TBL1X: variants seen among roughly 807,000 people sequenced by gnomAD.
TBL1X encodes the protein transducin beta like 1 X-linked.
Under a neutral mutation model 50.7 loss-of-function variants are expected in TBL1X, and 10 were observed. That is an observed-to-expected ratio of 0.20 (90% CI 0.12 to 0.33). The LOEUF (loss-of-function observed/expected upper bound fraction) is 0.33. Ranked by LOEUF, TBL1X falls within the 10% of genes least tolerant of loss-of-function variation. The pLI is 1.00. For missense variants in TBL1X, 340 were observed against 504.4 expected (o/e 0.67, Z 3.12); for synonymous variants, 190 against 214.7 (o/e 0.88, Z 1.01).
At chrX:9,698,528 T>C (rs745538506) in intron 12 of TBL1X, among the ~76,000 whole-genome samples, 16 of 111,834 alleles carry the variant, frequency 1.4e-4, no homozygotes, top group Non-Finnish European at 2.6e-4. Flanking sequence ...GCCTGTGAAG[T>C]GTTTTATACC....
chrX:9,493,629 G>A (rs766874501), intron 1 of TBL1X, among the ~76,000 whole-genome samples: 32 of 110,551 alleles, frequency 2.9e-4, no homozygotes, highest in Admixed American at 2.7e-3. Context: ...CAGGCGTGGT[G>A]GTATGTTCCT....
chrX:9,685,137 G>A (rs1352810357), intron 6 of TBL1X, among the ~76,000 whole-genome samples: 4 of 112,119 alleles, frequency 3.6e-5, no homozygotes, highest in Non-Finnish European at 5.6e-5. Context: ...CCACAGTGAG[G>A]AGTTGTGCCA....
At chrX:9,667,810 C>A (rs762441875) in intron 5 of TBL1X, among the ~76,000 whole-genome samples, 1 of 111,484 alleles carries the variant, frequency 9.0e-6, no homozygotes, top group Non-Finnish European at 1.9e-5. Context: ...TTTTTTCCTT[C>A]GTAAAATTTT....
intron 2 of TBL1X, among the ~76,000 whole-genome samples, chrX:9,564,946 T>C (rs1434349832): frequency 1.8e-5 from 2 of 108,868 alleles, no homozygotes; most frequent in Non-Finnish European, 3.8e-5. Flanking sequence ...AGGCAAATAA[T>C]AATTCTAGGA....
chrX:9,618,993 C>T (rs1270818599), intron 2 of TBL1X, among the ~76,000 whole-genome samples: 2 of 111,164 alleles, frequency 1.8e-5, no homozygotes, highest in Non-Finnish European at 1.9e-5. Flanking sequence ...GTTTGGTGTA[C>T]GGTAGTGATT....
At chrX:9,500,009 G>C (rs1361337018) in intron 1 of TBL1X, among the ~76,000 whole-genome samples, 1 of 109,186 alleles carries the variant, frequency 9.2e-6, no homozygotes, top group Non-Finnish European at 1.9e-5. Context: ...TCTTGGCTGG[G>C]TGTGGTGGCT....
At chrX:9,656,950 TC>T (rs2146602106) in intron 5 of TBL1X, among the ~76,000 whole-genome samples, 1 of 111,998 alleles carries the variant, frequency 8.9e-6, no homozygotes, top group African/African-American at 3.2e-5. Context: ...GGAAAACATT[TC>T]CCTGATCATG....
chrX:9,706,878 G>C (rs889164278), intron 13 of TBL1X, among the ~76,000 whole-genome samples: 3 of 111,008 alleles, frequency 2.7e-5, no homozygotes, highest in Non-Finnish European at 5.7e-5. Flanking sequence ...AGCAGCTCTC[G>C]GTCCAAAACA....
At chrX:9,524,031 G>C (rs1210003559) in intron 2 of TBL1X, among the ~76,000 whole-genome samples, 1 of 85,454 alleles carries the variant, frequency 1.2e-5, no homozygotes, top group African/African-American at 4.6e-5. Context: ...GCAGTGGCAC[G>C]ATCTTCACTC....
chrX:9,683,965 A>T (rs2083040913), intron 5 of TBL1X, 78 bp from the exon 6 acceptor site: 1 of 1,187,353 alleles, frequency 8.4e-7, no homozygotes, highest in Admixed American at 2.2e-5. Context: ...TCTGCGGGCC[A>T]CCTTCAGATC....
At chrX:9,682,658 G>A (rs901242934) in intron 5 of TBL1X, among the ~76,000 whole-genome samples, 5 of 111,745 alleles carry the variant, frequency 4.5e-5, no homozygotes, top group African/African-American at 1.6e-4. Context: ...TGGATAAGGC[G>A]AGGCAGAAGG....
At chrX:9,524,518 C>T (rs995680047) in intron 2 of TBL1X, among the ~76,000 whole-genome samples, 1 of 111,971 alleles carries the variant, frequency 8.9e-6, no homozygotes, top group Non-Finnish European at 1.9e-5. Context: ...ACTCAGCGTA[C>T]TGTCCTCCAG....
rs773470817 is a variant in TBL1X, at chrX:9,711,787, G to C, written c.1605+11G>C. 29 of 1,184,225 alleles carry C rather than the reference G, an allele frequency of 2.4e-5. No individual in the cohort carries two copies. The highest frequency in any genetic ancestry group is 3.2e-5 in the Non-Finnish European group (28 of 879,451). ...ATCTGGAATACTCAGGTAAGCTCCC[G>C]ACCCCTACACCAAATCCTTTTAGTA... On this transcript the variant is annotated intron_variant, in intron 16 of 17. Coordinates refer to ENST00000645353, the MANE Select transcript of TBL1X (RefSeq NM_005647.4).
chrX:9,592,979 T>G (rs952519316), intron 2 of TBL1X, among the ~76,000 whole-genome samples: 1 of 111,938 alleles, frequency 8.9e-6, no homozygotes, highest in Non-Finnish European at 1.9e-5. Flanking sequence ...TCTGTGAGTT[T>G]TCTTGTACAT....
chrX:9,617,299 C>T lies in TBL1X; in HGVS notation c.-130-22974C>T, dbSNP rs981810443. Among the ~76,000 whole-genome samples, 5 of 111,386 alleles carry T rather than the reference C, an allele frequency of 4.5e-5. No individual in the cohort carries two copies. The Admixed American group carries it at 4.8e-4, about 11-fold the overall frequency. On this transcript the variant is annotated intron_variant, in intron 2 of 17. Coordinates refer to ENST00000645353, the MANE Select transcript of TBL1X (RefSeq NM_005647.4). ...CCTTGCCCACCGTCCTTCCACAGAG[C>T]ATTCTCTGGAAGCGCTCAGGGAGCA...
intron 5 of TBL1X, among the ~76,000 whole-genome samples, chrX:9,672,460 C>T (rs941088690): frequency 5.4e-5 from 6 of 112,016 alleles, no homozygotes; most frequent in African/African-American, 2.0e-4. Context: ...CCCTCTTCCC[C>T]GAAGTCTCTG....
upstream of TBL1X, chrX:9,464,933 C>T (rs2081759800): frequency 9.3e-6 from 1 of 107,896 alleles, no homozygotes; most frequent in African/African-American, 3.4e-5. Flanking sequence ...GGGGCTGGTT[C>T]GGGACGCGGC....
chrX:9,651,011 C>CTT lies in TBL1X; in HGVS notation c.-42-2500_-42-2499dup, dbSNP rs572743375. Among the ~76,000 whole-genome samples, 60 of 30,926 alleles carry CTT rather than the reference C, an allele frequency of 1.9e-3. 5 individuals carry two copies. The highest frequency in any genetic ancestry group is 2.3e-3 in the Non-Finnish European group (44 of 18,883). The allele number at this position is 30,926 out of a possible 115,157, so 26.9% of individuals were successfully genotyped here. A position where few individuals can be genotyped will look rare whatever the true frequency, so the allele number is the denominator to read the frequency against. ...TATATTGGGATTTGTAGCTGCCAGCCTTTTTTTTTTTTTTTTTTTTTTTTT... is the reference window on the plus strand; with the variant it reads ...TATATTGGGATTTGTAGCTGCCAGCCTTTTTTTTTTTTTTTTTTTTTTTTTTT... On this transcript the variant is annotated intron_variant, in intron 3 of 17. Transcript: ENST00000645353.
At chrX:9,704,608 G>A (rs778648833) in intron 12 of TBL1X, among the ~76,000 whole-genome samples, 33 of 111,920 alleles carry the variant, frequency 2.9e-4, no homozygotes, top group Non-Finnish European at 5.6e-4. Context: ...TTCTTGGCTG[G>A]GTGCAATGGC....
Sources: allele counts gnomAD v4.1 joint callset (sites outside exome capture counted in the v4.1 genomes callset), GRCh38; gene constraint gnomAD v4.1.1; transcripts MANE v1.5; gene names NCBI Gene and HGNC (gene_info 2026-07-23, HGNC 2026-07-21).